NUMB: variants seen among roughly 807,000 people sequenced by gnomAD.
The protein encoded by NUMB is protein numb homolog.
In NUMB, 29 loss-of-function variants were observed where a neutral mutation model predicts 59.7. That is an observed-to-expected ratio of 0.49 (90% confidence interval 0.36 to 0.66). The LOEUF (loss-of-function observed/expected upper bound fraction) is 0.66. NUMB is among the 30% of genes least tolerant of loss of function. The probability of loss-of-function intolerance (pLI) is 0.00; values close to 1 mark genes in which losing one functional copy is unlikely to be tolerated. For missense variants in NUMB, 723 were observed against 822.0 expected (o/e 0.88, Z 1.47); for synonymous variants, 288 against 288.2 (o/e 1.00, Z 0.01).
intron 1 of NUMB, among the ~76,000 whole-genome samples, chr14:73,452,065 C>CAA: frequency 6.8e-6 from 1 of 147,902 alleles, no homozygotes; most frequent in African/African-American, 2.5e-5. Flanking sequence ...CTCTACCCCC[C>CAA]AAAAAAAAAA....
chr14:73,284,026 G>C, intron 10 of NUMB, 55 bp downstream of exon 10: 5 of 1,495,640 alleles, frequency 3.3e-6, no homozygotes, highest in Non-Finnish European at 4.6e-6. Context: ...CATGGGAAGT[G>C]ATGAGAATGC....
At chr14:73,353,214 A>G (rs1425941701) in intron 4 of NUMB, among the ~76,000 whole-genome samples, 1 of 149,622 alleles carries the variant, frequency 6.7e-6, no homozygotes, top group African/African-American at 2.5e-5. Flanking sequence ...CTTCCTGAGT[A>G]GCTGGGATTA....
At chr14:73,456,686 T>C (rs950757564) in intron 1 of NUMB, among the ~76,000 whole-genome samples, 2 of 152,240 alleles carry the variant, frequency 1.3e-5, no homozygotes, top group Admixed American at 1.3e-4. Context: ...TATAATAGGA[T>C]CTTTTAGGCA....
At chr14:73,293,585 G>T (rs922891112) in intron 7 of NUMB, among the ~76,000 whole-genome samples, 2 of 152,010 alleles carry the variant, frequency 1.3e-5, no homozygotes, top group Non-Finnish European at 2.9e-5. Flanking sequence ...GTAGAGACAG[G>T]TTTCACTGTG....
intron 4 of NUMB, among the ~76,000 whole-genome samples, chr14:73,352,529 T>TGG (rs561647901): frequency 4.6e-5 from 1 of 21,774 alleles, no homozygotes; most frequent in East Asian, 3.1e-3. Flanking sequence ...TATATATATA[T>TGG]GTTTTTTTTT....
intron 3 of NUMB, among the ~76,000 whole-genome samples, chr14:73,356,475 TCTACTAAAA>T (rs1016844922): frequency 6.6e-6 from 1 of 152,080 alleles, no homozygotes; most frequent in Non-Finnish European, 1.5e-5. Flanking sequence ...AAACCCCGCC[TCTACTAAAA>T]CTACAAAAAT....
chr14:73,362,469 A>G (rs1483035105), intron 3 of NUMB, among the ~76,000 whole-genome samples: 2 of 152,102 alleles, frequency 1.3e-5, no homozygotes, highest in Non-Finnish European at 2.9e-5. Context: ...TTGAGATAGC[A>G]TCTCACTCTT....
intron 4 of NUMB, among the ~76,000 whole-genome samples, chr14:73,350,812 A>C (rs1193613697): frequency 6.6e-6 from 1 of 151,834 alleles, no homozygotes. Flanking sequence ...TACAGGTGTG[A>C]GCCACCATGC....
intron 2 of NUMB, among the ~76,000 whole-genome samples, chr14:73,405,868 T>G (rs934423924): frequency 6.6e-6 from 1 of 152,100 alleles, no homozygotes; most frequent in African/African-American, 2.4e-5. Context: ...CCTCAACCTG[T>G]GTAGGTATGC....
chr14:73,323,382 T>A (rs1348249947), intron 4 of NUMB, among the ~76,000 whole-genome samples, 178 bp from the exon 5 acceptor site: 1 of 152,226 alleles, frequency 6.6e-6, no homozygotes, highest in East Asian at 1.9e-4. Context: ...TGTATTGAAA[T>A]TCCTACACTC....
intron 1 of NUMB, among the ~76,000 whole-genome samples, chr14:73,415,001 G>A (rs1334337841): frequency 1.3e-5 from 2 of 152,028 alleles, no homozygotes; most frequent in Non-Finnish European, 2.9e-5. Flanking sequence ...ATACAGGTGC[G>A]CTACCACGCC....
chr14:73,365,324 A>G (rs1320369029), intron 3 of NUMB, among the ~76,000 whole-genome samples: 2 of 152,244 alleles, frequency 1.3e-5, no homozygotes, highest in African/African-American at 2.4e-5. Flanking sequence ...TACAGGCGTG[A>G]GCCATCATGC....
chr14:73,362,921 G>A (rs1383192006), intron 3 of NUMB, among the ~76,000 whole-genome samples: 2 of 152,058 alleles, frequency 1.3e-5, no homozygotes, highest in Non-Finnish European at 2.9e-5. Flanking sequence ...GGCTGAGGCA[G>A]GAGGATCGTT....
intron 4 of NUMB, among the ~76,000 whole-genome samples, chr14:73,345,410 A>G (rs1380115324): frequency 1.3e-5 from 2 of 152,176 alleles, no homozygotes; most frequent in East Asian, 3.8e-4. Flanking sequence ...TGGGTGATCA[A>G]AGCATTTGGA....
chr14:73,346,594 A>G (rs1252912850), intron 4 of NUMB, among the ~76,000 whole-genome samples: 2 of 152,184 alleles, frequency 1.3e-5, no homozygotes, highest in Non-Finnish European at 2.9e-5. Flanking sequence ...ATACTAATAT[A>G]TTTAAATATA....
intron 2 of NUMB, among the ~76,000 whole-genome samples, chr14:73,373,162 C>T (rs1894790338): frequency 6.6e-6 from 1 of 152,142 alleles, no homozygotes; most frequent in African/African-American, 2.4e-5. Flanking sequence ...TACCAACACC[C>T]CACCCAGGCC....
intron 4 of NUMB, among the ~76,000 whole-genome samples, chr14:73,349,457 G>A (rs1893085446): frequency 6.6e-6 from 1 of 151,944 alleles, no homozygotes; most frequent in African/African-American, 2.4e-5. Context: ...CATAGTGGCA[G>A]GCGCCTGTAA....
intron 1 of NUMB, among the ~76,000 whole-genome samples, chr14:73,425,874 T>C (rs1380452908): frequency 1.3e-5 from 2 of 149,692 alleles, no homozygotes; most frequent in African/African-American, 2.5e-5. Context: ...AGTGGTGCAA[T>C]CTTGGCTCAC....
At chr14:73,300,185 G>A (rs1428154928) in intron 6 of NUMB, among the ~76,000 whole-genome samples, 3 of 152,100 alleles carry the variant, frequency 2.0e-5, no homozygotes, top group Non-Finnish European at 2.9e-5. Context: ...GAAACGGAAG[G>A]CCCAAGAAAA....
Sources: allele counts gnomAD v4.1 joint callset (sites outside exome capture counted in the v4.1 genomes callset), GRCh38; gene constraint gnomAD v4.1.1; transcripts MANE v1.5; gene names NCBI Gene and HGNC (gene_info 2026-07-23, HGNC 2026-07-21).